Variants in FSTL4 observed in about 807,000 individuals in gnomAD.
FSTL4 encodes the protein follistatin like 4, also known as follistatin-related protein 4.
FSTL4 carries 28 observed loss-of-function variants against 78.2 expected under a neutral mutation model. That is an observed-to-expected ratio of 0.36 (90% confidence interval 0.27 to 0.49). The LOEUF (loss-of-function observed/expected upper bound fraction) is 0.49, where lower values mean the gene tolerates loss of function less well. Among genes scored for constraint, FSTL4 ranks in the 20% least tolerant of loss-of-function variants. The pLI is 0.98. For missense variants in FSTL4, 922 were observed against 1,084.9 expected (o/e 0.85, Z 2.11); for synonymous variants, 422 against 440.5 (o/e 0.96, Z 0.53).
chr5:133,250,713 G>C (rs78776413), intron 6 of FSTL4, among the ~76,000 whole-genome samples: 3,102 of 152,344 alleles, frequency 0.02, 94 homozygotes, highest in African/African-American at 0.067. Context: ...GGGGAAGAGG[G>C]AGCGAAAACA....
chr5:133,743,609 T>C, the FSTL4 span, among the ~76,000 whole-genome samples: 1 of 152,366 alleles, frequency 6.6e-6, no homozygotes, highest in African/African-American at 2.4e-5. Context: ...TAACATATTG[T>C]CTTCTCTAAG....
chr5:133,835,199 C>T, the FSTL4 span, among the ~76,000 whole-genome samples: 2 of 152,148 alleles, frequency 1.3e-5, no homozygotes, highest in South Asian at 2.1e-4. Flanking sequence ...CTTGAAGAGG[C>T]AGGCGGGAAC....
chr5:133,274,049 C>T (rs996300201), intron 6 of FSTL4, among the ~76,000 whole-genome samples: 1 of 152,222 alleles, frequency 6.6e-6, no homozygotes, highest in South Asian at 2.1e-4. Flanking sequence ...AATGCCTGCA[C>T]TTTGAGGCCC....
Position 133,201,997 on chromosome 5 carries a change from T to C in FSTL4, c.1762A>G (p.Thr588Ala). 1 of 1,612,594 alleles carries C rather than the reference T, an allele frequency of 6.2e-7. No individual in the cohort carries two copies. The highest frequency in any genetic ancestry group is 1.3e-5 in the African/African-American group (1 of 75,020). The change falls in exon 15 of 16, where the codon ACA (threonine) becomes GCA (alanine). Residue 588 changes from threonine to alanine, a missense_variant. Transcript: ENST00000265342. ...STGQSQHLIR[T>A]PFAGVDDFFI... ...AAATCATCCACTCCTGCAAAGGGTGTGCGGATGAGGTGCTGGCTCTGGCCG... is the reference window on the plus strand; with the variant it reads ...AAATCATCCACTCCTGCAAAGGGTGCGCGGATGAGGTGCTGGCTCTGGCCG...
At chr5:133,732,071 G>T in the FSTL4 span, among the ~76,000 whole-genome samples, 3 of 152,178 alleles carry the variant, frequency 2.0e-5, no homozygotes, top group Non-Finnish European at 2.9e-5. Context: ...GGGCACTTGG[G>T]ATTGATGGCT....
At chr5:133,240,649 G>A (rs1751837926) in intron 7 of FSTL4, among the ~76,000 whole-genome samples, 1 of 151,494 alleles carries the variant, frequency 6.6e-6, no homozygotes, top group Non-Finnish European at 1.5e-5. Flanking sequence ...ATGCCAAAGG[G>A]GAGGCCCTTA....
chr5:133,243,393 G>A (rs920060028), intron 7 of FSTL4, among the ~76,000 whole-genome samples: 2 of 152,060 alleles, frequency 1.3e-5, no homozygotes, highest in African/African-American at 4.8e-5. Context: ...ACAATTCCAC[G>A]TGCTGGTCTC....
At chr5:133,458,623 C>T (rs1279639783) in intron 3 of FSTL4, among the ~76,000 whole-genome samples, 1 of 152,230 alleles carries the variant, frequency 6.6e-6, no homozygotes, top group Non-Finnish European at 1.5e-5. Context: ...CATGTCCTCT[C>T]TGGGCCTGGG....
At chr5:133,427,824 C>T in intron 3 of FSTL4, 1 of 389,288 alleles carries the variant, frequency 2.6e-6, no homozygotes, top group Non-Finnish European at 5.8e-6. Context: ...TTCATCTGGC[C>T]ATGTGGCTCC....
chr5:133,488,546 A>T (rs1580741253), intron 3 of FSTL4, among the ~76,000 whole-genome samples: 1 of 152,268 alleles, frequency 6.6e-6, no homozygotes, highest in East Asian at 1.9e-4. Flanking sequence ...GAGCCACTGC[A>T]CCCAGCCAAG....
chr5:133,233,846 G>A (rs950553832), intron 7 of FSTL4, among the ~76,000 whole-genome samples: 5 of 152,256 alleles, frequency 3.3e-5, no homozygotes, highest in Admixed American at 2.0e-4. Context: ...CTAGGCCCAC[G>A]TGTCCCCCCA....
chr5:133,379,446 C>A (rs1755515037), intron 4 of FSTL4, among the ~76,000 whole-genome samples: 1 of 151,820 alleles, frequency 6.6e-6, no homozygotes, highest in Admixed American at 6.6e-5. Flanking sequence ...AAGCAGAATG[C>A]ACATTTTTCT....
At chr5:133,448,112 A>G (rs1370126585) in intron 3 of FSTL4, among the ~76,000 whole-genome samples, 1 of 152,234 alleles carries the variant, frequency 6.6e-6, no homozygotes, top group Non-Finnish European at 1.5e-5. Context: ...CACACTTTAA[A>G]TTAAGCACTA....
intron 3 of FSTL4, among the ~76,000 whole-genome samples, chr5:133,481,764 A>C (rs981709447): frequency 2.6e-5 from 4 of 152,196 alleles, no homozygotes; most frequent in Non-Finnish European, 5.9e-5. Flanking sequence ...GAAGAAGCCA[A>C]CAGAGCAACC....
At chr5:133,461,317 AG>A (rs1757587150) in intron 3 of FSTL4, among the ~76,000 whole-genome samples, 1 of 152,216 alleles carries the variant, frequency 6.6e-6, no homozygotes, top group Non-Finnish European at 1.5e-5. Flanking sequence ...GATTACCTCC[AG>A]AAGTGGTTCT....
chr5:133,771,846 CA>C, the FSTL4 span, among the ~76,000 whole-genome samples: 1 of 152,144 alleles, frequency 6.6e-6, no homozygotes, highest in Non-Finnish European at 1.5e-5. Context: ...GATGAACCTG[CA>C]AACAAATCAG....
At chr5:133,245,587 G>A (rs1394703804) in intron 7 of FSTL4, among the ~76,000 whole-genome samples, 1 of 152,214 alleles carries the variant, frequency 6.6e-6, no homozygotes, top group Non-Finnish European at 1.5e-5. Context: ...CAGAACAGTT[G>A]TTAGTGGTTA....
At chr5:133,579,376 T>C (rs893810046) in intron 2 of FSTL4, among the ~76,000 whole-genome samples, 1 of 152,200 alleles carries the variant, frequency 6.6e-6, no homozygotes, top group African/African-American at 2.4e-5. Flanking sequence ...TTTCCTTTTG[T>C]AGGTAAAGTT....
intron 6 of FSTL4, among the ~76,000 whole-genome samples, chr5:133,274,171 T>A (rs1182627672): frequency 2.0e-5 from 3 of 152,118 alleles, no homozygotes; most frequent in African/African-American, 7.2e-5. Flanking sequence ...ATTTAATACT[T>A]GAGTCTGGTG....
Sources: allele counts gnomAD v4.1 joint callset (sites outside exome capture counted in the v4.1 genomes callset), GRCh38; gene constraint gnomAD v4.1.1; transcripts MANE v1.5; gene names NCBI Gene and HGNC (gene_info 2026-07-23, HGNC 2026-07-21).